The following TBC1D1 variants were observed in gnomAD, a reference collection of about 807,000 sequenced individuals.
TBC1D1 encodes TBC1 (tre-2/USP6, BUB2, cdc16) domain family, member 1.
In TBC1D1, 89 loss-of-function variants were observed where a neutral mutation model predicts 125.6. That is an observed-to-expected ratio of 0.71 (90% confidence interval 0.60 to 0.85). The LOEUF (loss-of-function observed/expected upper bound fraction) is 0.85, where lower values mean the gene tolerates loss of function less well. TBC1D1 is among the 40% of genes least tolerant of loss of function. TBC1D1 has a pLI of 0.00. For synonymous variants in TBC1D1, 565 were observed against 564.1 expected (o/e 1.00, Z -0.02); for missense variants, 1,377 against 1,469.2 (o/e 0.94, Z 1.03).
chr4:38,036,726 A>G (rs977344585), intron 8 of TBC1D1, among the ~76,000 whole-genome samples: 6 of 152,202 alleles, frequency 3.9e-5, no homozygotes, highest in Admixed American at 1.3e-4. Context: ...GCTGGTGTAC[A>G]GTGTCAGCCA....
intron 2 of TBC1D1, among the ~76,000 whole-genome samples, chr4:37,971,207 G>T (rs916666523): frequency 3.3e-5 from 5 of 152,132 alleles, no homozygotes; most frequent in African/African-American, 1.2e-4. Context: ...TCCTTTTAAA[G>T]TTACTTAGAC....
rs144127676 is a variant in TBC1D1, at chr4:38,077,427, A to G, written c.2051-12505A>G. 5.1e-3 allele frequency among the ~76,000 whole-genome samples: 783 copies of G among 152,288 alleles called. 5 individuals are homozygous for G. The highest frequency in any genetic ancestry group is 0.017 in the African/African-American group (711 of 41,568). ...TCCTAAAGGGTTTTTGTTATCTTTT[A>G]TTGATGCAAATGCTATTTTGTGGCA... On this transcript the variant is annotated intron_variant, in intron 12 of 19. Transcript: ENST00000261439.
chr4:37,997,708 G>A (rs551380965), intron 2 of TBC1D1, among the ~76,000 whole-genome samples: 23 of 151,620 alleles, frequency 1.5e-4, no homozygotes, highest in African/African-American at 5.6e-4. Flanking sequence ...TTATTAATAA[G>A]CACTATTGAA....
At chr4:37,895,176 T>A (rs1560444682) in intron 1 of TBC1D1, among the ~76,000 whole-genome samples, 1 of 152,220 alleles carries the variant, frequency 6.6e-6, no homozygotes, top group Non-Finnish European at 1.5e-5. Flanking sequence ...CACTATTCAA[T>A]GATAATATTC....
chr4:38,122,371 G>A (rs1441891371), intron 17 of TBC1D1, among the ~76,000 whole-genome samples: 2 of 152,328 alleles, frequency 1.3e-5, no homozygotes, highest in East Asian at 3.9e-4. Flanking sequence ...CTGGTGATCT[G>A]GACCTGCGTG....
chr4:38,090,212 C>T, intron 13 of TBC1D1, 95 bp downstream of exon 15: 1 of 1,205,642 alleles, frequency 8.3e-7, no homozygotes, highest in Non-Finnish European at 1.2e-6. Flanking sequence ...AAAAATACAG[C>T]AGCACGATAG....
At chr4:37,932,405 C>T (rs1367354289) in intron 2 of TBC1D1, among the ~76,000 whole-genome samples, 2 of 151,972 alleles carry the variant, frequency 1.3e-5, no homozygotes, top group Non-Finnish European at 2.9e-5. Context: ...TTTTTTATTC[C>T]TCATTGATGC....
intron 8 of TBC1D1, among the ~76,000 whole-genome samples, chr4:38,043,051 G>A (rs1368201062): frequency 1.3e-5 from 2 of 151,908 alleles, no homozygotes; most frequent in Non-Finnish European, 2.9e-5. Context: ...ACAGGTGTGC[G>A]CCACTACACC....
chr4:37,992,540 G>C (rs1288607116), intron 2 of TBC1D1, among the ~76,000 whole-genome samples: 1 of 149,042 alleles, frequency 6.7e-6, no homozygotes, highest in African/African-American at 2.5e-5. Flanking sequence ...TATCACCCAG[G>C]CTGGAGTGCA....
At chr4:38,102,709 T>C (rs1760586573) in intron 14 of TBC1D1, among the ~76,000 whole-genome samples, 1 of 151,602 alleles carries the variant, frequency 6.6e-6, no homozygotes, top group Non-Finnish European at 1.5e-5. Context: ...TGAGACCCTG[T>C]CTCTACAAAA....
chr4:37,962,119 T>A (rs1196474955), intron 2 of TBC1D1, among the ~76,000 whole-genome samples: 1 of 152,232 alleles, frequency 6.6e-6, no homozygotes, highest in Non-Finnish European at 1.5e-5. Context: ...GGTGTCCAAG[T>A]ACTTCCCCCA....
intron 2 of TBC1D1, among the ~76,000 whole-genome samples, chr4:37,935,121 G>T (rs950346710): frequency 1.3e-5 from 2 of 152,164 alleles, no homozygotes; most frequent in East Asian, 1.9e-4. Context: ...ACATTAACAG[G>T]GTGGCAAAAA....
intron 19 of TBC1D1, 93 bp downstream of exon 21, chr4:38,133,350 AC>A: frequency 8.5e-7 from 1 of 1,174,070 alleles, no homozygotes; most frequent in Non-Finnish European, 1.2e-6. Context: ...CTTTCCCATG[AC>A]CAGAGGACCT....
At chr4:38,030,196 C>T (rs1745869573) in intron 7 of TBC1D1, among the ~76,000 whole-genome samples, 1 of 152,216 alleles carries the variant, frequency 6.6e-6, no homozygotes. Context: ...TATTCTTCCG[C>T]AGCAATGAGA....
intron 6 of TBC1D1, among the ~76,000 whole-genome samples, chr4:38,025,944 C>T (rs1457705127): frequency 2.0e-5 from 3 of 152,136 alleles, no homozygotes; most frequent in South Asian, 2.1e-4. Flanking sequence ...GAGTGTCAGG[C>T]GACTTGGCTC....
intron 2 of TBC1D1, among the ~76,000 whole-genome samples, chr4:37,916,811 C>G (rs1719831319): frequency 6.6e-6 from 1 of 152,124 alleles, no homozygotes; most frequent in Admixed American, 6.5e-5. Context: ...CACTCTGTTG[C>G]CCAGGCTGGA....
At chr4:38,096,619 T>C (rs1235336042) in intron 14 of TBC1D1, among the ~76,000 whole-genome samples, 2 of 152,222 alleles carry the variant, frequency 1.3e-5, no homozygotes, top group Admixed American at 6.5e-5. Flanking sequence ...TCTGCTATAC[T>C]GTAAGGCCTT....
At chr4:37,941,250 G>T (rs1345282108) in intron 2 of TBC1D1, among the ~76,000 whole-genome samples, 1 of 152,080 alleles carries the variant, frequency 6.6e-6, no homozygotes, top group Non-Finnish European at 1.5e-5. Context: ...GTTTAGTCTT[G>T]GGAGAGTGTA....
At chr4:37,963,480 C>G (rs915084104) in intron 2 of TBC1D1, among the ~76,000 whole-genome samples, 2 of 152,134 alleles carry the variant, frequency 1.3e-5, no homozygotes, top group African/African-American at 4.8e-5. Context: ...TGGTAAAACC[C>G]CATCTCTACT....
Sources: allele counts gnomAD v4.1 joint callset (sites outside exome capture counted in the v4.1 genomes callset), GRCh38; gene constraint gnomAD v4.1.1; transcripts MANE v1.5; gene names NCBI Gene and HGNC (gene_info 2026-07-23, HGNC 2026-07-21).